Variants in PREX2 observed in about 807,000 individuals in gnomAD.
PREX2 encodes the protein phosphatidylinositol-3,4,5-trisphosphate dependent Rac exchange factor 2.
Under a neutral mutation model 203.2 loss-of-function variants are expected in PREX2, and 107 were observed. That is an observed-to-expected ratio of 0.53 (90% confidence interval 0.45 to 0.62). The LOEUF (loss-of-function observed/expected upper bound fraction) is 0.62, where lower values mean the gene tolerates loss of function less well. PREX2 is among the 20% of genes least tolerant of loss of function. PREX2 has a pLI of 0.00. For synonymous variants in PREX2, 672 were observed against 663.6 expected (o/e 1.01, Z -0.19); for missense variants, 1,777 against 1,955.9 (o/e 0.91, Z 1.72).
chr8:68,073,682 C>T (rs1390253400), intron 14 of PREX2, among the ~76,000 whole-genome samples: 1 of 152,048 alleles, frequency 6.6e-6, no homozygotes, highest in Non-Finnish European at 1.5e-5. Flanking sequence ...AGCATCAGAG[C>T]CTTTCATAAC....
At chr8:68,161,091 T>G (rs1040116595) in intron 35 of PREX2, among the ~76,000 whole-genome samples, 1 of 152,028 alleles carries the variant, frequency 6.6e-6, no homozygotes, top group African/African-American at 2.4e-5. Context: ...TTTTCTTTCT[T>G]TCTTTCTTTT....
chr8:68,212,484 T>G (rs897706577), intron 37 of PREX2, among the ~76,000 whole-genome samples: 1 of 152,206 alleles, frequency 6.6e-6, no homozygotes, highest in Admixed American at 6.5e-5. Context: ...AGAAAGAATT[T>G]AGAAAATTAC....
chr8:68,030,567 A>G lies in PREX2; in HGVS notation c.614A>G (p.Lys205Arg). ...GTGATGGAAGCCCTCCAAGCCATGA[A>G]AGCTGTCTGTTCCAACATAAACGAG... ...AAVMEALQAM[K>R]AVCSNINEAK... Residue 205 changes from lysine (K) to arginine (R), a missense_variant, in exon 6 of 40, where the codon AAA becomes AGA. Transcript: ENST00000288368. 6.2e-7 allele frequency: 1 copy of G among 1,613,738 alleles called. No homozygotes were observed. The highest frequency in any genetic ancestry group is 8.5e-7 in the Non-Finnish European group (1 of 1,179,726).
chr8:67,967,425 A>G (rs1165285682), intron 1 of PREX2, among the ~76,000 whole-genome samples: 5 of 152,174 alleles, frequency 3.3e-5, no homozygotes, highest in Non-Finnish European at 1.5e-5. Context: ...TGTTTATACC[A>G]TTGAGGAGCT....
chr8:68,150,924 G>T (rs1811421349), intron 34 of PREX2, among the ~76,000 whole-genome samples: 1 of 152,106 alleles, frequency 6.6e-6, no homozygotes, highest in Non-Finnish European at 1.5e-5. Flanking sequence ...AGCAGTCCTT[G>T]GCATTCCTTG....
intron 1 of PREX2, among the ~76,000 whole-genome samples, chr8:68,014,692 A>G (rs1807363270): frequency 6.6e-6 from 1 of 152,214 alleles, no homozygotes; most frequent in African/African-American, 2.4e-5. Flanking sequence ...TTGAAAGTCA[A>G]AGTGAAATAA....
chr8:68,083,946 CT>C (rs1380316145), intron 18 of PREX2, among the ~76,000 whole-genome samples: 1 of 152,030 alleles, frequency 6.6e-6, no homozygotes, highest in Non-Finnish European at 1.5e-5. Flanking sequence ...TAAAGGGAGA[CT>C]TTTTTTCTTG....
intron 34 of PREX2, among the ~76,000 whole-genome samples, chr8:68,155,483 T>C (rs1811526068): frequency 6.6e-6 from 1 of 152,180 alleles, no homozygotes; most frequent in African/African-American, 2.4e-5. Context: ...ACTAGTTTAA[T>C]AAAACTATAG....
At chr8:68,066,727 G>A (rs1172993614) in intron 11 of PREX2, among the ~76,000 whole-genome samples, 1 of 151,894 alleles carries the variant, frequency 6.6e-6, no homozygotes, top group Admixed American at 6.6e-5. Flanking sequence ...TGATGCAATT[G>A]CATTTGTCTA....
chr8:68,080,970 A>T (rs1366057150), intron 17 of PREX2, 132 bp downstream of exon 17: 2 of 657,818 alleles, frequency 3.0e-6, no homozygotes, highest in Non-Finnish European at 5.4e-6. Flanking sequence ...ATGTCTCTGG[A>T]TAATCTTACT....
Position 67,958,280 on chromosome 8 carries a change from G to C in PREX2, c.141+5745G>C, listed in dbSNP as rs368905812. On this transcript the variant is annotated intron_variant, in intron 1 of 39. Coordinates refer to ENST00000288368, the MANE Select transcript of PREX2 (RefSeq NM_024870.4). The stretch of plus-strand genomic sequence containing the variant: ...GAGGCAGTAGAGATTCTTTCAGTTG[G>C]GGAGTCAAGGAAAGTTTTGGAAAGA... Among the ~76,000 whole-genome samples, 45 of 152,258 alleles carry C rather than the reference G, an allele frequency of 3.0e-4. No homozygotes were observed. The South Asian group carries it at 9.3e-3, about 32-fold the overall frequency.
At chr8:68,091,259 T>G (rs1371906114) in intron 20 of PREX2, among the ~76,000 whole-genome samples, 2 of 152,320 alleles carry the variant, frequency 1.3e-5, no homozygotes, top group South Asian at 4.1e-4. Flanking sequence ...AATACCAAAA[T>G]GTACTCGGCG....
At chr8:68,114,648 C>T (rs548167385) in intron 25 of PREX2, among the ~76,000 whole-genome samples, 25 of 152,262 alleles carry the variant, frequency 1.6e-4, no homozygotes, top group Admixed American at 5.9e-4. Context: ...AGTCTGACTG[C>T]GGCATTTTAG....
intron 25 of PREX2, among the ~76,000 whole-genome samples, chr8:68,111,645 G>A (rs1810536999): frequency 1.3e-5 from 2 of 152,068 alleles, no homozygotes; most frequent in Non-Finnish European, 2.9e-5. Context: ...CAAATGATTG[G>A]AGAAACCACC....
At chr8:68,068,543 C>G (rs928782552) in intron 11 of PREX2, among the ~76,000 whole-genome samples, 4 of 152,072 alleles carry the variant, frequency 2.6e-5, no homozygotes, top group Admixed American at 2.6e-4. Flanking sequence ...TATGTGTGGT[C>G]TTGGCCTGAT....
At chr8:68,113,960 C>G (rs533264118) in intron 25 of PREX2, among the ~76,000 whole-genome samples, 1 of 152,264 alleles carries the variant, frequency 6.6e-6, no homozygotes, top group South Asian at 2.1e-4. Context: ...CTCCAGGGTT[C>G]AAGCGATTCT....
intron 39 of PREX2, among the ~76,000 whole-genome samples, chr8:68,227,736 C>G (rs1813080765): frequency 6.6e-6 from 1 of 151,980 alleles, no homozygotes. Flanking sequence ...TTCTGGCATT[C>G]AAAAAGGAGC....
chr8:67,991,117 T>G (rs1347067435), intron 1 of PREX2, among the ~76,000 whole-genome samples: 1 of 152,194 alleles, frequency 6.6e-6, no homozygotes, highest in Non-Finnish European at 1.5e-5. Context: ...ATGCTTGATT[T>G]TAGAATCATG....
chr8:68,043,441 G>A (rs1333472212), intron 7 of PREX2, among the ~76,000 whole-genome samples: 1 of 152,066 alleles, frequency 6.6e-6, no homozygotes, highest in Non-Finnish European at 1.5e-5. Context: ...CTGAAGATAT[G>A]TCCCTGGCCT....
Sources: gnomAD v4.1 joint callset for allele counts (sites outside exome capture counted in the v4.1 genomes callset) on GRCh38, gnomAD v4.1.1 for gene constraint, MANE v1.5 for transcripts, NCBI Gene and HGNC (gene_info 2026-07-23, HGNC 2026-07-21) for gene names.